Variants in GRHL3 observed in about 807,000 individuals in gnomAD.
GRHL3 encodes grainyhead-like protein 3 homolog.
A neutral mutation model predicts 70.3 loss-of-function variants in GRHL3; 20 were observed. The ratio of observed to expected loss-of-function variants is 0.28; its 90% CI spans 0.20 to 0.41. The LOEUF is 0.41. Among genes scored for constraint, GRHL3 ranks in the 10% least tolerant of loss-of-function variants. The probability of loss-of-function intolerance (pLI) is 1.00; values close to 1 mark genes in which losing one functional copy is unlikely to be tolerated. For missense variants in GRHL3, 637 were observed against 762.3 expected (o/e 0.84, Z 1.94); for synonymous variants, 299 against 299.9 (o/e 1.00, Z 0.03).
Position 24,336,580 on chromosome 1 carries a change from A to G in GRHL3, c.365A>G (p.Glu122Gly). 6.2e-7 allele frequency: 1 copy of G among 1,613,994 alleles called. No individual in the cohort carries two copies. Among genetic ancestry groups the G allele is most frequent in the Non-Finnish European group, 8.5e-7 (1 of 1,179,906 alleles). Residue 122 changes from glutamate to glycine, a missense_variant, in exon 4 of 16, where the codon GAG becomes GGG. By Grantham distance (98) the Glu-to-Gly change is moderately conservative. This residue lies in a region of GRHL3 where 250 missense variants were observed against 248.6 expected (regional missense o/e 1.01). Coordinates refer to ENST00000361548, the MANE Select transcript of GRHL3 (RefSeq NM_198173.3). Reference protein sequence around the residue: ...FLTENVSGTPEYPDLLKKNNL... With the variant: ...FLTENVSGTPGYPDLLKKNNL... ...ACAGAGAACGTGTCTGGAACCCCAG[A>G]GTACCCAGATTTGCTCAAGAAGAAT...
chr1:24,323,599 G>C (rs1012229259), intron 1 of GRHL3, among the ~76,000 whole-genome samples: 2 of 152,116 alleles, frequency 1.3e-5, no homozygotes, highest in Admixed American at 1.3e-4. Flanking sequence ...GTCAGTTTTT[G>C]CCCATGTAAA....
intron 14 of GRHL3, among the ~76,000 whole-genome samples, chr1:24,348,010 C>G (rs1640360199): frequency 6.6e-6 from 1 of 152,142 alleles, no homozygotes; most frequent in African/African-American, 2.4e-5. Flanking sequence ...CCCAGCCCCC[C>G]ACACCACCAG....
chr1:24,360,386 T>G (rs764767649), intron 15 of GRHL3, among the ~76,000 whole-genome samples: 1 of 152,138 alleles, frequency 6.6e-6, no homozygotes, highest in Non-Finnish European at 1.5e-5. Context: ...GAGGCGGAAG[T>G]TGTGAGCCAA....
At chr1:24,344,800 C>T in intron 11 of GRHL3, 97 bp from the exon 12 acceptor site, 1 of 1,385,690 alleles carries the variant, frequency 7.2e-7, no homozygotes. Flanking sequence ...CTCCCCACCT[C>T]CCACCAAAAA....
At chr1:24,340,031 G>A (rs1639977851) in intron 8 of GRHL3, among the ~76,000 whole-genome samples, 1 of 152,166 alleles carries the variant, frequency 6.6e-6, no homozygotes. Flanking sequence ...TATAAAATAG[G>A]AGTGGCATCA....
chr1:24,353,180 G>C (rs1031082463), intron 15 of GRHL3, among the ~76,000 whole-genome samples: 2 of 152,216 alleles, frequency 1.3e-5, no homozygotes, highest in African/African-American at 4.8e-5. Flanking sequence ...TTGTTTCTTT[G>C]AACCTCAGCT....
chr1:24,341,257 C>T (rs1215148792), intron 8 of GRHL3, among the ~76,000 whole-genome samples: 3 of 152,194 alleles, frequency 2.0e-5, no homozygotes, highest in Non-Finnish European at 4.4e-5. Flanking sequence ...TTCCAGCTGT[C>T]CCTCTCATGG....
intron 5 of GRHL3, 62 bp from the exon 6 acceptor site, chr1:24,337,574 G>A: frequency 6.4e-7 from 1 of 1,562,028 alleles, no homozygotes; most frequent in East Asian, 2.2e-5. Context: ...CTGCCCCACT[G>A]CCCTCTAGGA....
Position 24,336,482 on chromosome 1 carries a change from G to C in GRHL3, c.267G>C (p.Arg89Ser). The change falls in exon 4 of 16, where the codon AGG becomes AGC. Residue 89 changes from arginine to serine, a missense_variant and splice_region_variant. Physicochemically the swap from Arg to Ser is moderately radical, Grantham distance 110. Transcript: ENST00000361548. ...CTCAGCCCCTTTTCTTTCTCCCCAGGTACTACCATGGCATGGAATATGAGA... is the reference window on the plus strand; with the variant it reads ...CTCAGCCCCTTTTCTTTCTCCCCAGCTACTACCATGGCATGGAATATGAGA... ...STGGRNDQGKRYYHGMEYETD... is the reference protein window; with the variant it reads ...STGGRNDQGKSYYHGMEYETD... 1 of 1,563,496 alleles carries C rather than the reference G, an allele frequency of 6.4e-7. No individual in the cohort carries two copies. Among genetic ancestry groups the C allele is most frequent in the Non-Finnish European group, 8.7e-7 (1 of 1,150,604 alleles).
At chr1:24,348,493 A>G (rs1357531018) in intron 14 of GRHL3, among the ~76,000 whole-genome samples, 2 of 152,152 alleles carry the variant, frequency 1.3e-5, no homozygotes, top group African/African-American at 4.8e-5. Context: ...TGGGCTCACA[A>G]AAGACCATTA....
chr1:24,348,833 G>T (rs1396624747), intron 14 of GRHL3, among the ~76,000 whole-genome samples: 1 of 152,212 alleles, frequency 6.6e-6, no homozygotes, highest in Non-Finnish European at 1.5e-5. Flanking sequence ...TGTTAGGGTA[G>T]AGAATAACTG....
chr1:24,340,621 C>G (rs928022724), intron 8 of GRHL3, among the ~76,000 whole-genome samples: 2 of 152,188 alleles, frequency 1.3e-5, no homozygotes, highest in Admixed American at 6.5e-5. Context: ...CCAGGCTTAC[C>G]TCACTCAGCA....
intron 14 of GRHL3, among the ~76,000 whole-genome samples, chr1:24,348,987 C>G (rs1259402004): frequency 6.6e-6 from 1 of 152,246 alleles, no homozygotes; most frequent in African/African-American, 2.4e-5. Flanking sequence ...CTGGGACAGG[C>G]ACTGGGCTGA....
intron 1 of GRHL3, among the ~76,000 whole-genome samples, chr1:24,323,826 T>A (rs911058256): frequency 6.6e-6 from 1 of 152,176 alleles, no homozygotes; most frequent in African/African-American, 2.4e-5. Flanking sequence ...ACTGACCTAG[T>A]GAAAGTCTTG....
chr1:24,328,756 A>C (rs2148649802), intron 1 of GRHL3, among the ~76,000 whole-genome samples: 1 of 152,268 alleles, frequency 6.6e-6, no homozygotes, highest in East Asian at 1.9e-4. Flanking sequence ...CATGAATTAC[A>C]CACTTGTTTT....
At chr1:24,335,584 A>AT (rs11382769) in intron 3 of GRHL3, among the ~76,000 whole-genome samples, 102,159 of 142,888 alleles carry the variant, frequency 0.71, 36,981 homozygotes, top group African/African-American at 0.86. Context: ...CTCAAAACTA[A>AT]TTTTTTTTTT....
At chr1:24,354,093 C>T (rs147433440) in intron 15 of GRHL3, among the ~76,000 whole-genome samples, 402 of 152,300 alleles carry the variant, frequency 2.6e-3, no homozygotes, top group African/African-American at 9.3e-3. Flanking sequence ...TGTCCATCCT[C>T]GGGTGTACCA....
At chr1:24,357,829 G>A (rs1056081881), downstream of GRHL3, 1 of 297,834 alleles carries the variant, frequency 3.4e-6, no homozygotes, top group African/African-American at 2.2e-5. Context: ...GGGCCTGTAA[G>A]CCTTGAGAAA....
At chr1:24,343,114 C>A (rs550775573) in intron 11 of GRHL3, 89 bp downstream of exon 11, 30 of 1,483,722 alleles carry the variant, frequency 2.0e-5, no homozygotes, top group Non-Finnish European at 2.5e-5. Flanking sequence ...CAGTGGGGAG[C>A]AGCCTGCCCC....
Sources: gnomAD v4.1 joint callset for allele counts (sites outside exome capture counted in the v4.1 genomes callset) on GRCh38, gnomAD v4.1.1 for gene constraint, gnomAD v4.1.1 regional missense constraint, MANE v1.5 for transcripts, NCBI Gene and HGNC (gene_info 2026-07-23, HGNC 2026-07-21) for gene names.